The following IL20RA variants were observed in gnomAD, a reference collection of about 807,000 sequenced individuals.
IL20RA encodes interleukin-20 receptor subunit alpha.
IL20RA carries 29 observed loss-of-function variants against 36.5 expected under a neutral mutation model. That is an observed-to-expected ratio of 0.79 (90% CI 0.59 to 1.08). IL20RA has a LOEUF of 1.08. Among genes scored for constraint, IL20RA ranks in the 50% least tolerant of loss-of-function variants. The pLI is 0.00. For synonymous variants in IL20RA, 279 were observed against 267.1 expected (o/e 1.04, Z -0.43); for missense variants, 652 against 668.4 (o/e 0.98, Z 0.27).
intron 1 of IL20RA, among the ~76,000 whole-genome samples, chr6:137,028,313 G>C (rs1776163505): frequency 6.6e-6 from 1 of 151,994 alleles, no homozygotes; most frequent in Admixed American, 6.6e-5. Flanking sequence ...AGCTACTTGG[G>C]AGGCTGAGGC....
intron 2 of IL20RA, among the ~76,000 whole-genome samples, chr6:137,015,220 T>C (rs911277783): frequency 1.3e-5 from 2 of 152,218 alleles, no homozygotes; most frequent in East Asian, 1.9e-4. Context: ...CAAACAGTTT[T>C]TATTACCTGT....
At chr6:137,025,587 G>T (rs1776057834) in intron 1 of IL20RA, among the ~76,000 whole-genome samples, 1 of 152,158 alleles carries the variant, frequency 6.6e-6, no homozygotes, top group African/African-American at 2.4e-5. Context: ...CTGTTTGCTC[G>T]CAGGTCCTTC....
intron 1 of IL20RA, chr6:137,044,076 G>C (rs1776808267): frequency 1.0e-6 from 1 of 982,146 alleles, no homozygotes; most frequent in African/African-American, 1.7e-5. Flanking sequence ...GCGTACCCAG[G>C]ACAGGGGGAG....
intron 2 of IL20RA, 45 bp downstream of exon 2, chr6:137,016,923 A>T (rs1775709238): frequency 6.4e-7 from 1 of 1,553,644 alleles, no homozygotes; most frequent in Non-Finnish European, 8.9e-7. Flanking sequence ...CAAGAGTCTG[A>T]GTCTTGTGTT....
intron 1 of IL20RA, among the ~76,000 whole-genome samples, chr6:137,041,229 G>A (rs1776681191): frequency 6.6e-6 from 1 of 152,170 alleles, no homozygotes; most frequent in Admixed American, 6.5e-5. Flanking sequence ...AGACTAAGGG[G>A]ACATGACCAC....
chr6:137,005,028 A>G (rs1305038120), intron 5 of IL20RA, among the ~76,000 whole-genome samples: 1 of 152,252 alleles, frequency 6.6e-6, no homozygotes, highest in East Asian at 1.9e-4. Flanking sequence ...CAATCATCCA[A>G]GTCAGCACAT....
intron 1 of IL20RA, 118 bp downstream of exon 1, chr6:137,044,523 G>T (rs899936751): frequency 9.3e-7 from 1 of 1,074,444 alleles, no homozygotes; most frequent in Non-Finnish European, 1.2e-6. Flanking sequence ...TCCTCTGCCC[G>T]CCCGAAAGCG....
At position 137,002,007 on chromosome 6, in the gene IL20RA, C is replaced by T. The variant is rs1205951649; in HGVS notation, c.1213G>A (p.Val405Ile). ...CCCGCACAAATGTCAGTGGTTCTGA[C>T]ATCATATTCATATTCAATGACTGTT... ...DKTVIEYEYDVRTTDICAGPE... is the reference protein window; with the variant it reads ...DKTVIEYEYDIRTTDICAGPE... Residue 405 changes from valine (V) to isoleucine (I), a missense_variant, in exon 7 of 7, where the codon GTC (valine) becomes ATC (isoleucine). Transcript: ENST00000316649. 1.2e-6 allele frequency: 2 copies of T among 1,614,196 alleles called. No homozygotes were observed. The highest frequency in any genetic ancestry group is 2.2e-5 in the East Asian group (1 of 44,884).
In IL20RA at chr6:137,009,457, C is replaced by G; in HGVS notation, c.439G>C (p.Asp147His). The change falls in exon 4 of 7, where the codon GAT (aspartate) becomes CAT (histidine). Residue 147 changes from aspartate to histidine, a missense_variant. By Grantham distance (81) the Asp-to-His change is moderately conservative. Coordinates refer to ENST00000316649, the MANE Select transcript of IL20RA (RefSeq NM_014432.4). ...AGGACAACAGAAATGGACTTCTCAT[C>G]TGTAGTCAGTGCCACCTCTGGTGGG... ...IGPPEVALTT[D>H]EKSISVVLTA... The G allele has an allele frequency of 6.2e-7, 1 of 1,613,182 alleles. No individual in the cohort carries two copies. The highest frequency in any genetic ancestry group is 8.5e-7 in the Non-Finnish European group (1 of 1,179,190).
intron 1 of IL20RA, among the ~76,000 whole-genome samples, chr6:137,031,094 T>C (rs547502954): frequency 6.6e-6 from 1 of 152,352 alleles, no homozygotes; most frequent in African/African-American, 2.4e-5. Context: ...GTAATAAACA[T>C]TGCCACGAAT....
intron 1 of IL20RA, among the ~76,000 whole-genome samples, chr6:137,020,950 G>A (rs939265520): frequency 1.3e-5 from 2 of 152,114 alleles, no homozygotes; most frequent in African/African-American, 4.8e-5. Context: ...GACCTGTCAT[G>A]AGAAAAGTAG....
chr6:137,008,598 C>G lies in IL20RA; in HGVS notation c.724+1G>C. On this transcript the variant is annotated splice_donor_variant, in intron 5 of 6. Transcript: ENST00000316649. LOFTEE classifies it high-confidence loss of function. The stretch of plus-strand genomic sequence containing the variant: ...ACCAGCAAAGATTTTTTAAAGCTTA[C>G]CTTTCAAAGTCCTGGCACACTGCTT... 1 of 1,583,822 alleles carries G rather than the reference C, an allele frequency of 6.3e-7. No homozygotes were observed. Among genetic ancestry groups the G allele is most frequent in the Non-Finnish European group, 8.6e-7 (1 of 1,166,284 alleles).
In IL20RA at chr6:137,001,729, G is replaced by C. The variant is rs748665308; in HGVS notation, c.1491C>G (p.Phe497Leu). 1.9e-6 allele frequency: 3 copies of C among 1,613,564 alleles called. No individual in the cohort carries two copies. Among genetic ancestry groups the C allele is most frequent in the Non-Finnish European group, 2.5e-6 (3 of 1,179,728 alleles). ...GCTCGCAGCCCTCTGAATCCTGGTCGAAGCTGGACAGCGAAGGAATACACA... is the reference window on the plus strand; with the variant it reads ...GCTCGCAGCCCTCTGAATCCTGGTCCAAGCTGGACAGCGAAGGAATACACA... ...GRLCIPSLSS[F>L]DQDSEGCEPS... Residue 497 changes from phenylalanine (F) to leucine (L), a missense_variant, in exon 7 of 7, where the codon TTC becomes TTG. Physicochemically the swap from Phe to Leu is conservative, Grantham distance 22. Transcript: ENST00000316649.
chr6:137,001,280 A>T lies in IL20RA; in HGVS notation c.*278T>A. 3.3e-6 allele frequency: 1 copy of T among 299,972 alleles called. No homozygotes were observed. Among genetic ancestry groups the T allele is most frequent in the Non-Finnish European group, 6.1e-6 (1 of 162,680 alleles). 18.6% of individuals were successfully genotyped at this position (299,972 alleles called of 1,614,324 possible). ...GGCCAGAGTACACCCACCTGAATAA[A>T]TTCTGCACCCAGTCTGGCAAACATT... is the stretch of plus-strand genomic sequence containing the variant. On this transcript the variant is annotated 3_prime_UTR_variant, in exon 7 of 7. Transcript: ENST00000316649.
At chr6:137,009,065 T>C in intron 4 of IL20RA, 1 of 580,370 alleles carries the variant, frequency 1.7e-6, no homozygotes, top group Middle Eastern at 4.5e-4. Context: ...AAGCTCTTCA[T>C]CAAAGTGAAG....
At chr6:137,025,322 C>A (rs76302508) in intron 1 of IL20RA, among the ~76,000 whole-genome samples, 1,696 of 152,234 alleles carry the variant, frequency 0.011, 35 homozygotes, top group African/African-American at 0.039. Context: ...GGTCCCTTGC[C>A]CCTTCCAACA....
At chr6:137,044,383 T>A in intron 1 of IL20RA, 1 of 1,001,448 alleles carries the variant, frequency 1.0e-6, no homozygotes, top group Non-Finnish European at 1.2e-6. Flanking sequence ...ACCTCAATTC[T>A]CGAGACCGAA....
At chr6:137,039,676 T>G (rs916706714) in intron 1 of IL20RA, among the ~76,000 whole-genome samples, 3 of 152,124 alleles carry the variant, frequency 2.0e-5, no homozygotes, top group Middle Eastern at 3.2e-3. Flanking sequence ...AAGTACAACA[T>G]CGTAATCACA....
chr6:137,001,350 C>T lies in IL20RA; in HGVS notation c.*208G>A. On this transcript the variant is annotated 3_prime_UTR_variant, in exon 7 of 7. Transcript: ENST00000316649. ...ATAGAACAACCGGCCAGCCCCTGGA[C>T]TCCAGAGGCCCACCATCATTGTTAA... The T allele has an allele frequency of 2.3e-6, 1 of 443,826 alleles. No homozygotes were observed. The highest frequency in any genetic ancestry group is 6.1e-5 in the South Asian group (1 of 16,522). The allele number at this position is 443,826 out of a possible 1,614,324, so 27.5% of individuals were successfully genotyped here. A position where few individuals can be genotyped will look rare whatever the true frequency, so the allele number is the denominator to read the frequency against.
Sources: allele counts gnomAD v4.1 joint callset (sites outside exome capture counted in the v4.1 genomes callset), GRCh38; gene constraint gnomAD v4.1.1; transcripts MANE v1.5; gene names NCBI Gene and HGNC (gene_info 2026-07-23, HGNC 2026-07-21).